Variants in OCA2 observed in about 807,000 individuals in gnomAD.
OCA2 encodes the protein P protein.
In OCA2, 77 loss-of-function variants were observed where a neutral mutation model predicts 100.2. The observed-to-expected ratio is 0.77, with a 90% CI of 0.64 to 0.93. The LOEUF (loss-of-function observed/expected upper bound fraction) is 0.93. Among genes scored for constraint, OCA2 ranks in the 40% least tolerant of loss-of-function variants. OCA2 has a pLI of 0.00. For synonymous variants in OCA2, 432 were observed against 439.2 expected (o/e 0.98, Z 0.21); for missense variants, 1,062 against 1,089.1 (o/e 0.98, Z 0.35).
At chr15:27,956,964 C>A (rs1002314001) in intron 16 of OCA2, among the ~76,000 whole-genome samples, 1 of 152,238 alleles carries the variant, frequency 6.6e-6, no homozygotes, top group South Asian at 2.1e-4. Context: ...CCCCTCTCAG[C>A]TCAGCTGTGG....
chr15:27,803,002 A>G lies in OCA2; in HGVS notation c.2432+41957T>C, dbSNP rs532529527. ...CCACAGACTGGGAGAATATATTTGC[A>G]AAGTATCTATCTTATAAAGGATTTG... On this transcript the variant is annotated intron_variant, in intron 23 of 23. Coordinates refer to ENST00000354638, the MANE Select transcript of OCA2 (RefSeq NM_000275.3). Among the ~76,000 whole-genome samples, 157 of 152,384 alleles carry G rather than the reference A, an allele frequency of 1.0e-3. 1 individual carries two copies. The highest frequency in any genetic ancestry group is 3.1e-3 in the Admixed American group (47 of 15,308).
chr15:28,025,105 AGAG>A (rs2042709682), intron 4 of OCA2, among the ~76,000 whole-genome samples: 1 of 152,234 alleles, frequency 6.6e-6, no homozygotes, highest in Non-Finnish European at 1.5e-5. Flanking sequence ...TGGAGGTTCC[AGAG>A]GAGAACAAAG....
intron 2 of OCA2, among the ~76,000 whole-genome samples, chr15:28,051,673 C>T (rs992603974): frequency 7.7e-6 from 1 of 129,892 alleles, no homozygotes; most frequent in African/African-American, 3.0e-5. Context: ...AGTGGCTATT[C>T]ATTCAGAGGC....
Position 27,851,401 on chromosome 15 carries a change from G to C in OCA2, c.2319C>G (p.Ala773=). The change falls in exon 22 of 24, where the codon GCC becomes GCG. Residue 773 remains alanine (A), a synonymous_variant. Transcript: ENST00000354638. Reference sequence around the variant, plus strand: ...CCTTACCTCCCAGGCAAGCACCGAAGGCCAGGGCATACATGAGCGGCGGTG... The same window carrying C: ...CCTTACCTCCCAGGCAAGCACCGAACGCCAGGGCATACATGAGCGGCGGTG... ...LPAPPLMYAL[A]FGACLGGNGT... is the part of the protein sequence containing the mutation. The C allele has an allele frequency of 6.2e-7, 1 of 1,613,998 alleles. No individual in the cohort carries two copies.
intron 21 of OCA2, among the ~76,000 whole-genome samples, 161 bp downstream of exon 21, chr15:27,870,993 T>G (rs917089843): frequency 2.6e-5 from 4 of 151,824 alleles, no homozygotes; most frequent in Non-Finnish European, 5.9e-5. Flanking sequence ...CTCTCGGCAC[T>G]CCCCACCCAG....
the OCA2 span, among the ~76,000 whole-genome samples, chr15:27,748,270 C>A: frequency 2.0e-5 from 3 of 152,190 alleles, 1 homozygote; most frequent in South Asian, 6.2e-4. Flanking sequence ...CCCAAACTAC[C>A]TGGGCTGGGA....
At chr15:28,021,346 G>A (rs1164555012) in intron 6 of OCA2, among the ~76,000 whole-genome samples, 5 of 152,154 alleles carry the variant, frequency 3.3e-5, no homozygotes, top group East Asian at 3.9e-4. Context: ...AAGGCTGGGC[G>A]GACATCAGTT....
intron 9 of OCA2, among the ~76,000 whole-genome samples, chr15:27,993,355 G>A (rs1054089874): frequency 7.2e-5 from 11 of 152,048 alleles, no homozygotes; most frequent in East Asian, 1.9e-4. Flanking sequence ...TCCCCGTGTC[G>A]GAAAACAAAG....
At chr15:28,080,315 G>A (rs2044579351) in intron 2 of OCA2, among the ~76,000 whole-genome samples, 1 of 152,226 alleles carries the variant, frequency 6.6e-6, no homozygotes, top group Non-Finnish European at 1.5e-5. Context: ...GAGAACATTT[G>A]CTGCAGGCTG....
chr15:28,003,598 G>A (rs910858094), intron 9 of OCA2, among the ~76,000 whole-genome samples: 1 of 147,850 alleles, frequency 6.8e-6, no homozygotes, highest in Non-Finnish European at 1.5e-5. Context: ...TGCGGGGAAC[G>A]ACGGGAAAGC....
intron 19 of OCA2, among the ~76,000 whole-genome samples, chr15:27,918,783 T>G (rs1414551430): frequency 6.6e-6 from 1 of 152,194 alleles, no homozygotes; most frequent in East Asian, 1.9e-4. Flanking sequence ...GCTGGATAAA[T>G]TGTCCCATTT....
chr15:27,912,309 C>A (rs1457556394), intron 19 of OCA2, among the ~76,000 whole-genome samples: 1 of 152,160 alleles, frequency 6.6e-6, no homozygotes, highest in Non-Finnish European at 1.5e-5. Flanking sequence ...AAACACCATT[C>A]CCCAATACAA....
At chr15:27,908,775 T>C (rs1457947975) in intron 19 of OCA2, among the ~76,000 whole-genome samples, 1 of 152,210 alleles carries the variant, frequency 6.6e-6, no homozygotes, top group Admixed American at 6.5e-5. Context: ...CAGGTTTTTA[T>C]TGGGGTCTGA....
rs796106105 is a variant in OCA2, at chr15:27,774,028, G to T, written c.2433-18556C>A. Among the ~76,000 whole-genome samples, 7 of 152,068 alleles carry T rather than the reference G, an allele frequency of 4.6e-5. 1 individual carries two copies. The highest frequency in any genetic ancestry group is 1.7e-4 in the African/African-American group (7 of 41,500). On this transcript the variant is annotated intron_variant, in intron 23 of 23. Coordinates refer to ENST00000354638, the MANE Select transcript of OCA2 (RefSeq NM_000275.3). ...GTACATTCCATAATCTGTTTCTATG[G>T]TTTTTTTTCTATTCAGGTATATTTT...
chr15:27,855,267 C>T (rs2035908462), intron 21 of OCA2, among the ~76,000 whole-genome samples: 1 of 152,214 alleles, frequency 6.6e-6, no homozygotes, highest in South Asian at 2.1e-4. Context: ...CTCCATGCAG[C>T]CAGCCATGAC....
At chr15:27,748,132 C>T in the OCA2 span, among the ~76,000 whole-genome samples, 2 of 152,178 alleles carry the variant, frequency 1.3e-5, no homozygotes, top group African/African-American at 4.8e-5. Flanking sequence ...CCAGAAGAAC[C>T]AACTAGGGAG....
At chr15:27,751,889 G>C (rs2030076560), downstream of OCA2, among the ~76,000 whole-genome samples, 1 of 152,228 alleles carries the variant, frequency 6.6e-6, no homozygotes, top group African/African-American at 2.4e-5. Context: ...GGAAAACAGA[G>C]TGACTACAGA....
At chr15:28,018,809 G>A (rs1237630408) in intron 6 of OCA2, among the ~76,000 whole-genome samples, 1 of 152,258 alleles carries the variant, frequency 6.6e-6, no homozygotes, top group East Asian at 1.9e-4. Flanking sequence ...CCAGGGAAAG[G>A]GTGCATCCTT....
intron 2 of OCA2, among the ~76,000 whole-genome samples, chr15:28,069,164 G>C (rs1179438811): frequency 6.6e-6 from 1 of 151,856 alleles, no homozygotes; most frequent in Non-Finnish European, 1.5e-5. Flanking sequence ...CTCTCTTCAC[G>C]GACAATATGA....
Sources: gnomAD v4.1 joint callset for allele counts (sites outside exome capture counted in the v4.1 genomes callset) on GRCh38, gnomAD v4.1.1 for gene constraint, MANE v1.5 for transcripts, NCBI Gene and HGNC (gene_info 2026-07-23, HGNC 2026-07-21) for gene names.